The following CCDC175 variants were observed in gnomAD, a reference collection of about 807,000 sequenced individuals.
CCDC175 encodes the protein coiled-coil domain-containing protein 175.
In CCDC175, 100 loss-of-function variants were observed where a neutral mutation model predicts 114.6. The ratio of observed to expected loss-of-function variants is 0.87; its 90% CI spans 0.74 to 1.03. The LOEUF is 1.03. Among genes scored for constraint, CCDC175 ranks in the 50% least tolerant of loss-of-function variants. The pLI, the probability that CCDC175 is intolerant of heterozygous loss-of-function variation, is 0.00. For synonymous variants in CCDC175, 306 were observed against 308.7 expected (o/e 0.99, Z 0.09); for missense variants, 880 against 917.8 (o/e 0.96, Z 0.53).
At chr14:59,541,038 T>C (rs1051043308) in intron 10 of CCDC175, among the ~76,000 whole-genome samples, 4 of 152,132 alleles carry the variant, frequency 2.6e-5, no homozygotes, top group Non-Finnish European at 4.4e-5. Flanking sequence ...GAGGGAGGAA[T>C]GTGGATTGCC....
chr14:59,576,752 TG>T lies in CCDC175; in HGVS notation c.23del (p.Pro8GlnfsTer69). ...CCAGCTTCTCGCCAGCGCCCAGCCC[TG>T]GGGTCCAGGGGCTCAGGGCCATTTT... MALSPWTPGLGAGEKLVQ... is the reference protein window; with the variant it reads MALSPWTXGLGAGEKLVQ... On this transcript the variant is annotated frameshift_variant, in exon 1 of 20. Coordinates refer to ENST00000537690, the MANE Select transcript of CCDC175 (RefSeq NM_001164399.2). LOFTEE classifies it high-confidence loss of function. 1 of 1,470,252 alleles carries T rather than the reference TG, an allele frequency of 6.8e-7. No homozygotes were observed. Among genetic ancestry groups the T allele is most frequent in the Non-Finnish European group, 8.9e-7 (1 of 1,120,996 alleles). The allele number at this position is 1,470,252 out of a possible 1,614,324, so 91.1% of individuals were successfully genotyped here. A position where few individuals can be genotyped will look rare whatever the true frequency, so the allele number is the denominator to read the frequency against.
intron 19 of CCDC175, 101 bp downstream of exon 19, chr14:59,510,543 CTA>C: frequency 1.7e-6 from 2 of 1,154,480 alleles, no homozygotes; most frequent in Non-Finnish European, 2.5e-6. Context: ...TTGGGGATAA[CTA>C]AGTCACTTAG....
At position 59,511,840 on chromosome 14, in the gene CCDC175, C is replaced by T. The variant is rs45575133; in HGVS notation, c.2099-37G>A. 5.9e-3 allele frequency: 8,138 copies of T among 1,369,950 alleles called. 105 individuals are homozygous for T. The highest frequency in any genetic ancestry group is 0.052 in the African/African-American group (3,602 of 69,558). 84.9% of individuals were successfully genotyped at this position (1,369,950 alleles called of 1,614,324 possible). ...ATTTAAAAAATACAATGGTTACTGACACAATCTGAACATTTTAATAAAAGT... is the reference window on the plus strand; with the variant it reads ...ATTTAAAAAATACAATGGTTACTGATACAATCTGAACATTTTAATAAAAGT... On this transcript the variant is annotated intron_variant, in intron 17 of 19. Transcript: ENST00000537690.
At chr14:59,507,908 T>C (rs1326895729) in intron 19 of CCDC175, among the ~76,000 whole-genome samples, 1 of 152,192 alleles carries the variant, frequency 6.6e-6, no homozygotes, top group Non-Finnish European at 1.5e-5. Flanking sequence ...CGCTGGAGGC[T>C]ATATGACCAA....
intron 13 of CCDC175, among the ~76,000 whole-genome samples, chr14:59,532,646 G>C (rs1894137461): frequency 6.6e-6 from 1 of 152,134 alleles, no homozygotes; most frequent in Non-Finnish European, 1.5e-5. Flanking sequence ...TGCCACTTCT[G>C]GGCTCTGCTC....
At chr14:59,537,976 C>G (rs752035810) in intron 13 of CCDC175, 47 bp downstream of exon 13, 36 of 1,358,846 alleles carry the variant, frequency 2.6e-5, no homozygotes, top group Non-Finnish European at 3.4e-5. Flanking sequence ...CCCCCTCCCC[C>G]TCATGTAGTC....
intron 6 of CCDC175, among the ~76,000 whole-genome samples, chr14:59,561,852 C>G: frequency 6.6e-6 from 1 of 152,198 alleles, no homozygotes; most frequent in East Asian, 1.9e-4. Flanking sequence ...TGCATTTCAG[C>G]TTGTGAGGGA....
chr14:59,554,051 A>T (rs1895706345), intron 7 of CCDC175, among the ~76,000 whole-genome samples: 1 of 152,238 alleles, frequency 6.6e-6, no homozygotes, highest in African/African-American at 2.4e-5. Flanking sequence ...CATTAGACAG[A>T]TCAATGAGAC....
At chr14:59,554,119 T>C (rs1186222599) in intron 7 of CCDC175, among the ~76,000 whole-genome samples, 2 of 152,196 alleles carry the variant, frequency 1.3e-5, no homozygotes, top group Admixed American at 6.5e-5. Flanking sequence ...GCCAACCTAA[T>C]AGACATCTAC....
intron 3 of CCDC175, among the ~76,000 whole-genome samples, chr14:59,571,340 GA>G (rs1008696988): frequency 6.6e-6 from 1 of 152,018 alleles, no homozygotes; most frequent in Non-Finnish European, 1.5e-5. Flanking sequence ...CATGGAATGG[GA>G]AAAAAATTTG....
At chr14:59,522,944 T>C (rs1893507208) in intron 16 of CCDC175, among the ~76,000 whole-genome samples, 1 of 152,012 alleles carries the variant, frequency 6.6e-6, no homozygotes, top group South Asian at 2.1e-4. Context: ...TCTTGCCCAG[T>C]GCTTGGGACT....
At chr14:59,524,870 A>G (rs190335799) in intron 16 of CCDC175, among the ~76,000 whole-genome samples, 6 of 152,346 alleles carry the variant, frequency 3.9e-5, no homozygotes, top group Admixed American at 2.0e-4. Flanking sequence ...ATACAGTGCA[A>G]TACTATACAG....
At chr14:59,534,647 G>C (rs1352610863) in intron 13 of CCDC175, among the ~76,000 whole-genome samples, 1 of 152,206 alleles carries the variant, frequency 6.6e-6, no homozygotes, top group Non-Finnish European at 1.5e-5. Context: ...ATACGGGGCT[G>C]TAGGACCCAG....
At chr14:59,546,939 G>C (rs1895145371) in intron 8 of CCDC175, among the ~76,000 whole-genome samples, 2 of 152,014 alleles carry the variant, frequency 1.3e-5, no homozygotes, top group Admixed American at 6.6e-5. Context: ...GTAAAACAAA[G>C]CAATCAAAAT....
chr14:59,506,785 G>C (rs1206005287), intron 19 of CCDC175, among the ~76,000 whole-genome samples: 1 of 152,130 alleles, frequency 6.6e-6, no homozygotes, highest in Non-Finnish European at 1.5e-5. Flanking sequence ...GTAGATGATT[G>C]TATCAAGCCC....
At chr14:59,535,441 T>C (rs530096163) in intron 13 of CCDC175, among the ~76,000 whole-genome samples, 1 of 152,356 alleles carries the variant, frequency 6.6e-6, no homozygotes, top group South Asian at 2.1e-4. Context: ...ATCCTGTTCA[T>C]GACTCAAAGG....
At chr14:59,575,442 C>T (rs1044067678) in intron 1 of CCDC175, among the ~76,000 whole-genome samples, 1 of 151,296 alleles carries the variant, frequency 6.6e-6, no homozygotes, top group Admixed American at 6.6e-5. Flanking sequence ...TTGACAGTGA[C>T]CTCAGATACA....
chr14:59,551,356 T>A lies in CCDC175; in HGVS notation c.1034A>T (p.Gln345Leu), dbSNP rs2140071632. ...AAGTCATGACTTCTGCCTTCTTACC[T>A]GTTTTATCTTGTTCAGGAATTCATT... ...EKNEFLNKIK[Q>L]LVETLHAARM... is the part of the protein sequence containing the mutation. The change falls in exon 8 of 20, where the codon CAG (glutamine) becomes CTG (leucine). Residue 345 changes from glutamine (Q) to leucine (L), a missense_variant and splice_region_variant. Gln to Leu is a moderately radical substitution (Grantham distance 113, BLOSUM62 -2). Transcript: ENST00000537690. 1.5e-6 allele frequency: 2 copies of A among 1,313,398 alleles called. No homozygotes were observed. The highest frequency in any genetic ancestry group is 2.2e-4 in the Middle Eastern group (1 of 4,546). The allele number at this position is 1,313,398 out of a possible 1,614,324, so 81.4% of individuals were successfully genotyped here.
intron 19 of CCDC175, among the ~76,000 whole-genome samples, chr14:59,506,442 G>A (rs1485438431): frequency 6.6e-6 from 1 of 151,840 alleles, no homozygotes; most frequent in African/African-American, 2.4e-5. Context: ...TGCCCGCCAT[G>A]ACACCCAGCT....
Sources: allele counts gnomAD v4.1 joint callset (sites outside exome capture counted in the v4.1 genomes callset), GRCh38; gene constraint gnomAD v4.1.1; transcripts MANE v1.5; gene names NCBI Gene and HGNC (gene_info 2026-07-23, HGNC 2026-07-21).